Variants in PRKN observed in about 807,000 individuals in gnomAD.
The protein encoded by PRKN is E3 ubiquitin-protein ligase parkin.
In PRKN, 56 loss-of-function variants were observed where a neutral mutation model predicts 59.5. The observed-to-expected ratio is 0.94, with a 90% CI of 0.76 to 1.18. The LOEUF is 1.18. PRKN is among the 50% of genes most tolerant of loss of function. The pLI, the probability that PRKN is intolerant of heterozygous loss-of-function variation, is 0.00. For missense variants in PRKN, 657 were observed against 596.4 expected (o/e 1.10, Z -1.06); for synonymous variants, 250 against 222.1 (o/e 1.13, Z -1.12).
chr6:161,763,873 C>T (rs9295164), intron 7 of PRKN, among the ~76,000 whole-genome samples: 74,491 of 151,822 alleles, frequency 0.49, 18,787 homozygotes, highest in East Asian at 0.58. Context: ...CCACACGAGG[C>T]CCATCACGAG....
chr6:162,616,051 A>T (rs543247488), intron 1 of PRKN, among the ~76,000 whole-genome samples: 1 of 152,328 alleles, frequency 6.6e-6, no homozygotes, highest in South Asian at 2.1e-4. Flanking sequence ...GCTGTCACCC[A>T]GGAACCTCCT....
At chr6:162,206,514 A>G (rs1264585287) in intron 3 of PRKN, among the ~76,000 whole-genome samples, 1 of 152,086 alleles carries the variant, frequency 6.6e-6, no homozygotes, top group Non-Finnish European at 1.5e-5. Context: ...TTCTGACTAC[A>G]GAGTTGTCCT....
intron 6 of PRKN, among the ~76,000 whole-genome samples, chr6:161,934,613 T>C (rs958469800): frequency 1.3e-5 from 2 of 152,176 alleles, no homozygotes; most frequent in African/African-American, 4.8e-5. Flanking sequence ...ATTATGCCCT[T>C]GATTATTTAA....
intron 6 of PRKN, among the ~76,000 whole-genome samples, chr6:161,844,559 A>G (rs1388705718): frequency 2.6e-5 from 4 of 152,228 alleles, no homozygotes; most frequent in Non-Finnish European, 5.9e-5. Flanking sequence ...TTGAACCACA[A>G]CTGAGGAACT....
Position 161,448,122 on chromosome 6 carries a change from T to C in PRKN, c.1084-61245A>G, listed in dbSNP as rs908501899. 6.6e-5 allele frequency among the ~76,000 whole-genome samples: 10 copies of C among 152,188 alleles called. No individual in the cohort carries two copies. The highest frequency in any genetic ancestry group is 2.4e-4 in the African/African-American group (10 of 41,442). On this transcript the variant is annotated intron_variant, in intron 9 of 11. Transcript: ENST00000366898. The surrounding 1 kb of genome is among the most constrained non-coding windows in gnomAD (Gnocchi z 5.1). ...CCAATCAAATCTTACATCTGTGTGT[T>C]AGCCGTTGTATGGAAAACACCGTGA...
At chr6:162,667,912 G>A (rs1304091838) in intron 1 of PRKN, among the ~76,000 whole-genome samples, 4 of 152,048 alleles carry the variant, frequency 2.6e-5, no homozygotes, top group African/African-American at 9.7e-5. Flanking sequence ...ACAGAACCTG[G>A]CACATAGTAA....
chr6:162,134,460 T>G (rs537434236), intron 4 of PRKN, among the ~76,000 whole-genome samples: 1 of 152,314 alleles, frequency 6.6e-6, no homozygotes, highest in Non-Finnish European at 1.5e-5. Flanking sequence ...GCCAGATACA[T>G]GTGCAGAACA....
intron 4 of PRKN, among the ~76,000 whole-genome samples, chr6:162,176,263 T>A (rs914331429): frequency 1.3e-5 from 2 of 152,144 alleles, no homozygotes; most frequent in Non-Finnish European, 2.9e-5. Context: ...TTTAAGTTGG[T>A]TGAGGCTAGG....
At chr6:162,000,375 T>C (rs1436005905) in intron 5 of PRKN, among the ~76,000 whole-genome samples, 1 of 152,126 alleles carries the variant, frequency 6.6e-6, no homozygotes, top group African/African-American at 2.4e-5. Context: ...GTTTGTTTGT[T>C]TTTTTAAATT....
At chr6:162,564,174 G>A (rs557958341) in intron 1 of PRKN, among the ~76,000 whole-genome samples, 22 of 151,928 alleles carry the variant, frequency 1.4e-4, no homozygotes, top group African/African-American at 3.4e-4. Context: ...GTGAAACCCC[G>A]TCTCTACAAA....
chr6:162,727,550 C>G, intron 1 of PRKN, 112 bp downstream of exon 1: 1 of 1,204,306 alleles, frequency 8.3e-7, no homozygotes, highest in Admixed American at 2.0e-5. Context: ...GGCACTTTGG[C>G]CCCGTCATTG....
rs1287755199 is a variant in PRKN at position 161,355,178 on chromosome 6, CTT to C, written c.1285+4908_1285+4909del. 1.3e-5 allele frequency among the ~76,000 whole-genome samples: 2 copies of C among 152,348 alleles called. No homozygotes were observed. Among genetic ancestry groups the C allele is most frequent in the East Asian group, 3.9e-4 (2 of 5,170 alleles). On this transcript the variant is annotated intron_variant, in intron 11 of 11. Transcript: ENST00000366898. This position sits in a 1 kb window ranked among gnomAD's most constrained non-coding sequence, Gnocchi z 6.8. Reference sequence around the variant, plus strand: ...ACACCGGCGCGCGCACACCCGGTGTCTTTGCTCATGCAGTCCTGGGGCCTAGG... The same window carrying C: ...ACACCGGCGCGCGCACACCCGGTGTCTGCTCATGCAGTCCTGGGGCCTAGG...
intron 6 of PRKN, among the ~76,000 whole-genome samples, chr6:161,836,809 C>A (rs796969834): frequency 4.5e-4 from 68 of 152,272 alleles, no homozygotes; most frequent in African/African-American, 1.5e-3. Flanking sequence ...AGGGACTCCA[C>A]TTCCCAGTTC....
rs534345539 is a variant in PRKN, at chr6:162,660,284, C to A, written c.7+67378G>T. Among the ~76,000 whole-genome samples the A allele has an allele frequency of 5.9e-5, 9 of 152,252 alleles. No homozygotes were observed. In the South Asian group the frequency reaches 1.7e-3, roughly 28 times the overall value. On this transcript the variant is annotated intron_variant, in intron 1 of 11. Coordinates refer to ENST00000366898, the MANE Select transcript of PRKN (RefSeq NM_004562.3). ...AGTATTTTACCCCTTGTTTCAATCA[C>A]AATTAGCTGGTTCTTGCTAAATGAT...
At chr6:162,201,540 A>G (rs1036171562) in intron 3 of PRKN, among the ~76,000 whole-genome samples, 1 of 152,194 alleles carries the variant, frequency 6.6e-6, no homozygotes, top group Non-Finnish European at 1.5e-5. Context: ...TCTGCAACAC[A>G]GTAAAATCAG....
chr6:162,192,322 A>G (rs942789498), intron 4 of PRKN, among the ~76,000 whole-genome samples: 1 of 152,150 alleles, frequency 6.6e-6, no homozygotes, highest in Non-Finnish European at 1.5e-5. Flanking sequence ...CCTCATTGCC[A>G]TAATGATATG....
intron 6 of PRKN, among the ~76,000 whole-genome samples, chr6:161,822,334 T>C (rs1432753458): frequency 6.6e-6 from 1 of 152,306 alleles, no homozygotes; most frequent in African/African-American, 2.4e-5. Context: ...GTTGTTGGAA[T>C]GTAGACGCAA....
chr6:161,430,379 G>A (rs747355616), intron 9 of PRKN, among the ~76,000 whole-genome samples: 10 of 152,182 alleles, frequency 6.6e-5, no homozygotes, highest in Non-Finnish European at 1.3e-4. Context: ...GTTTTGGAGA[G>A]AACAGTGAAA....
rs1466436629 is a variant in PRKN at position 161,414,587 on chromosome 6, T to C, written c.1084-27710A>G. Among the ~76,000 whole-genome samples the C allele has an allele frequency of 1.3e-5, 2 of 152,192 alleles. No individual in the cohort carries two copies. Among genetic ancestry groups the C allele is most frequent in the African/African-American group, 4.8e-5 (2 of 41,442 alleles). On this transcript the variant is annotated intron_variant, in intron 9 of 11. Coordinates refer to ENST00000366898, the MANE Select transcript of PRKN (RefSeq NM_004562.3). The surrounding 1 kb of genome is among the most constrained non-coding windows in gnomAD (Gnocchi z 5.3). Reference sequence around the variant, plus strand: ...TTTTGGCTGAGACTGTTTTGAAAAATAGAAAATGGCAGGTAATTCAGGTGT... The same window carrying C: ...TTTTGGCTGAGACTGTTTTGAAAAACAGAAAATGGCAGGTAATTCAGGTGT...
Sources: gnomAD v4.1 joint callset for allele counts (sites outside exome capture counted in the v4.1 genomes callset) on GRCh38, gnomAD v4.1.1 for gene constraint, Gnocchi (gnomAD v3.1) non-coding constraint, MANE v1.5 for transcripts, NCBI Gene and HGNC (gene_info 2026-07-23, HGNC 2026-07-21) for gene names.